DOCK3: variants seen among roughly 807,000 people sequenced by gnomAD.
DOCK3 encodes dedicator of cytokinesis 3, also known as dedicator of cytokinesis protein 3.
Under a neutral mutation model 265.6 loss-of-function variants are expected in DOCK3, and 60 were observed. That is an observed-to-expected ratio of 0.23 (90% confidence interval 0.18 to 0.28). DOCK3 has a LOEUF of 0.28. Among genes scored for constraint, DOCK3 ranks in the 10% least tolerant of loss-of-function variants. The probability of loss-of-function intolerance (pLI) is 1.00; values close to 1 mark genes in which losing one functional copy is unlikely to be tolerated. For synonymous variants in DOCK3, 881 were observed against 938.0 expected (o/e 0.94, Z 1.11); for missense variants, 1,981 against 2,594.3 (o/e 0.76, Z 5.14).
chr3:51,013,793 A>G (rs974548008), intron 5 of DOCK3, among the ~76,000 whole-genome samples: 2 of 152,150 alleles, frequency 1.3e-5, no homozygotes, highest in East Asian at 3.9e-4. Context: ...ATCTACAGAG[A>G]CAGTCGGGCC....
At chr3:50,873,441 T>A (rs2047533205) in intron 3 of DOCK3, among the ~76,000 whole-genome samples, 1 of 152,196 alleles carries the variant, frequency 6.6e-6, no homozygotes, top group African/African-American at 2.4e-5. Context: ...TCTTCTTCAC[T>A]GTTTCCTCTC....
chr3:50,790,712 T>C (rs561636609), intron 2 of DOCK3, among the ~76,000 whole-genome samples: 5 of 152,308 alleles, frequency 3.3e-5, no homozygotes, highest in African/African-American at 1.2e-4. Flanking sequence ...TTTTCCTTTA[T>C]AGGTTACTTG....
chr3:51,271,738 C>G (rs1429940458), intron 24 of DOCK3, among the ~76,000 whole-genome samples: 2 of 151,976 alleles, frequency 1.3e-5, no homozygotes, highest in African/African-American at 4.8e-5. Flanking sequence ...GTAATCCCAG[C>G]TACTCAGGAG....
chr3:51,053,078 G>GAGATATAT (rs1553745810), intron 5 of DOCK3, among the ~76,000 whole-genome samples: 16 of 43,800 alleles, frequency 3.7e-4, no homozygotes, highest in Non-Finnish European at 5.5e-4. Context: ...AAAAGTCAAA[G>GAGATATAT]ATATATATAT....
intron 23 of DOCK3, among the ~76,000 whole-genome samples, chr3:51,267,695 C>T (rs577419243): frequency 5.3e-5 from 8 of 152,162 alleles, no homozygotes; most frequent in South Asian, 4.1e-4. Flanking sequence ...CACACACATA[C>T]GTTTATTGCA....
chr3:50,768,715 A>T (rs2041072954), intron 1 of DOCK3, among the ~76,000 whole-genome samples: 1 of 152,228 alleles, frequency 6.6e-6, no homozygotes, highest in African/African-American at 2.4e-5. Context: ...TACATTAAAC[A>T]TGGGAGTGCA....
chr3:50,760,912 G>C (rs1431037031), intron 1 of DOCK3, among the ~76,000 whole-genome samples: 1 of 151,824 alleles, frequency 6.6e-6, no homozygotes, highest in Non-Finnish European at 1.5e-5. Flanking sequence ...CTCCTGAGTA[G>C]CTGGGACTAC....
At chr3:51,177,006 A>G (rs913814454) in intron 12 of DOCK3, among the ~76,000 whole-genome samples, 3 of 152,172 alleles carry the variant, frequency 2.0e-5, no homozygotes, top group African/African-American at 7.2e-5. Context: ...ATGCCAGTAT[A>G]CATTTGTTTA....
At chr3:50,920,738 G>C (rs545944795) in intron 4 of DOCK3, among the ~76,000 whole-genome samples, 9 of 152,128 alleles carry the variant, frequency 5.9e-5, no homozygotes, top group Admixed American at 2.6e-4. Context: ...TTTTTTGTGT[G>C]TCTATCTCCT....
chr3:50,801,996 A>G (rs551954091), intron 2 of DOCK3, among the ~76,000 whole-genome samples: 1 of 152,284 alleles, frequency 6.6e-6, no homozygotes, highest in African/African-American at 2.4e-5. Flanking sequence ...TTTTCGTCCA[A>G]TATAAGTATA....
At chr3:50,733,852 G>T (rs1258554239) in intron 1 of DOCK3, among the ~76,000 whole-genome samples, 3 of 149,844 alleles carry the variant, frequency 2.0e-5, no homozygotes, top group Admixed American at 1.3e-4. Flanking sequence ...GGTATACTTT[G>T]ATTCCTTTCT....
At chr3:51,344,269 C>T (rs2085419551) in intron 38 of DOCK3, among the ~76,000 whole-genome samples, 1 of 152,160 alleles carries the variant, frequency 6.6e-6, no homozygotes, top group South Asian at 2.1e-4. Flanking sequence ...TTAGAATGAC[C>T]CCTAAGTCAG....
intron 9 of DOCK3, among the ~76,000 whole-genome samples, chr3:51,117,751 A>T (rs2083803720): frequency 6.6e-6 from 1 of 152,106 alleles, no homozygotes; most frequent in Non-Finnish European, 1.5e-5. Flanking sequence ...ATTTGCTTTT[A>T]GGTGTTTATA....
At chr3:50,972,850 C>T (rs998394492) in intron 5 of DOCK3, among the ~76,000 whole-genome samples, 4 of 149,942 alleles carry the variant, frequency 2.7e-5, no homozygotes, top group Non-Finnish European at 4.4e-5. Flanking sequence ...AATGTGATGC[C>T]TATAGCTTTG....
intron 1 of DOCK3, among the ~76,000 whole-genome samples, chr3:50,748,372 T>C (rs2039585600): frequency 6.6e-6 from 1 of 152,054 alleles, no homozygotes. Context: ...AACTAGTGAG[T>C]TCCCACAGTG....
At chr3:50,694,751 C>T (rs932028757) in intron 1 of DOCK3, among the ~76,000 whole-genome samples, 22 of 152,172 alleles carry the variant, frequency 1.4e-4, no homozygotes, top group Non-Finnish European at 8.8e-5. Flanking sequence ...GTGGAGGTTA[C>T]AGTGAGGCTG....
chr3:50,676,705 A>C, intron 1 of DOCK3, among the ~76,000 whole-genome samples: 1 of 5,752 alleles, frequency 1.7e-4, no homozygotes, highest in South Asian at 4.3e-3. Flanking sequence ...GAGGAGCCCT[A>C]TTTTGGCGGG....
chr3:51,229,502 T>C lies in DOCK3; in HGVS notation c.1820-10T>C. 2 of 1,567,196 alleles carry C rather than the reference T, an allele frequency of 1.3e-6. No homozygotes were observed. Among genetic ancestry groups the C allele is most frequent in the South Asian group, 2.4e-5 (2 of 82,204 alleles). On this transcript the variant is annotated splice_polypyrimidine_tract_variant and intron_variant, in intron 18 of 52. Coordinates refer to ENST00000266037, the MANE Select transcript of DOCK3 (RefSeq NM_004947.5). ...TCAAGGGTTCCTCATCTTTTGGGCT[T>C]GCTTTCTAGTGGACCTCCTAGCTCT...
At chr3:50,976,128 G>C (rs2077442019) in intron 5 of DOCK3, among the ~76,000 whole-genome samples, 1 of 142,004 alleles carries the variant, frequency 7.0e-6, no homozygotes, top group Non-Finnish European at 1.5e-5. Flanking sequence ...AGGGTTTTTT[G>C]TGTCTCTATT....
Sources: gnomAD v4.1 joint callset for allele counts (sites outside exome capture counted in the v4.1 genomes callset) on GRCh38, gnomAD v4.1.1 for gene constraint, MANE v1.5 for transcripts, NCBI Gene and HGNC (gene_info 2026-07-23, HGNC 2026-07-21) for gene names.